Variants in VLDLR observed in about 807,000 individuals in gnomAD.
VLDLR encodes the protein very low-density lipoprotein receptor.
VLDLR carries 81 observed loss-of-function variants against 112.7 expected under a neutral mutation model. The ratio of observed to expected loss-of-function variants is 0.72; its 90% confidence interval spans 0.60 to 0.86. The LOEUF (loss-of-function observed/expected upper bound fraction) is 0.86. Among genes scored for constraint, VLDLR ranks in the 40% least tolerant of loss-of-function variants. The pLI is 0.00. For missense variants in VLDLR, 1,237 were observed against 1,099.4 expected (o/e 1.13, Z -1.77); for synonymous variants, 436 against 384.8 (o/e 1.13, Z -1.56).
rs924246655 is a variant in VLDLR, at chr9:2,622,373, C to G, written c.82+102C>G. On this transcript the variant is annotated intron_variant, in intron 1 of 18. Transcript: ENST00000382100. ...GTTTGCCCACCCGCCTCCTAGGAGG[C>G]GCCTCTCGGTTCTCCTCGCCTTCCC... 36 of 1,087,984 alleles carry G rather than the reference C, an allele frequency of 3.3e-5. No individual in the cohort carries two copies. In the African/African-American group the frequency reaches 5.5e-4, roughly 17 times the overall value. The allele number at this position is 1,087,984 out of a possible 1,614,324, so 67.4% of individuals were successfully genotyped here. A position where few individuals can be genotyped will look rare whatever the true frequency, so the allele number is the denominator to read the frequency against.
chr9:2,638,205 G>C (rs367891396), intron 2 of VLDLR, among the ~76,000 whole-genome samples: 3 of 152,308 alleles, frequency 2.0e-5, no homozygotes, highest in East Asian at 3.9e-4. Flanking sequence ...AGCATGGCCA[G>C]TCTTGTTTCC....
chr9:2,625,412 C>T (rs1326800991), intron 1 of VLDLR, among the ~76,000 whole-genome samples: 3 of 152,152 alleles, frequency 2.0e-5, no homozygotes, highest in Admixed American at 2.0e-4. Context: ...CTGTTTCTCA[C>T]AGAATGTAAA....
chr9:2,648,714 G>A lies in VLDLR; in HGVS notation c.2008G>A (p.Ala670Thr). The change falls in exon 14 of 19, where the codon GCC becomes ACC. Residue 670 changes from alanine (A) to threonine (T), a missense_variant. Physicochemically the swap from Ala to Thr is moderately conservative, Grantham distance 58 (BLOSUM62 0). Transcript: ENST00000382100. ...TGGGGAAAATGAAGCAGTCTATGGTGCCAATAAATTCACTGGATCAGAGCT... is the reference window on the plus strand; with the variant it reads ...TGGGGAAAATGAAGCAGTCTATGGTACCAATAAATTCACTGGATCAGAGCT... ...IDGENEAVYG[A>T]NKFTGSELAT... 2 of 1,614,144 alleles carry A rather than the reference G, an allele frequency of 1.2e-6. No individual in the cohort carries two copies. Among genetic ancestry groups the A allele is most frequent in the Non-Finnish European group, 1.7e-6 (2 of 1,180,022 alleles).
chr9:2,629,092 T>G (rs1439018412), intron 1 of VLDLR, among the ~76,000 whole-genome samples: 2 of 152,244 alleles, frequency 1.3e-5, no homozygotes, highest in African/African-American at 4.8e-5. Flanking sequence ...CAACATTGAC[T>G]CATTAGAAAT....
chr9:2,646,193 A>G (rs192158490), intron 10 of VLDLR, 141 bp from the exon 11 acceptor site: 16 of 777,244 alleles, frequency 2.1e-5, no homozygotes, highest in Admixed American at 1.8e-4. Context: ...CAGCATGGTT[A>G]AATAATTTGA....
chr9:2,651,930 G>C lies in VLDLR; in HGVS notation c.2392G>C (p.Ala798Pro). 6.2e-7 allele frequency: 1 copy of C among 1,614,090 alleles called. No homozygotes were observed. The highest frequency in any genetic ancestry group is 8.5e-7 in the Non-Finnish European group (1 of 1,179,978). ...CAGTGTTCCCCCAAAAGGGACTTCT[G>C]CCGCATGGGCCATTCTTCCTCTCTG... Reference protein sequence around the residue: ...EVSVPPKGTSAAWAILPLLLL... With the variant: ...EVSVPPKGTSPAWAILPLLLL... Residue 798 changes from alanine to proline, a missense_variant, in exon 17 of 19, where the codon GCC becomes CCC. Physicochemically the swap from Ala to Pro is conservative, Grantham distance 27. Coordinates refer to ENST00000382100, the MANE Select transcript of VLDLR (RefSeq NM_003383.5).
chr9:2,652,740 C>G (rs764620622), intron 17 of VLDLR, 40 bp from the exon 18 acceptor site: 1 of 1,613,270 alleles, frequency 6.2e-7, no homozygotes, highest in Non-Finnish European at 8.5e-7. Context: ...TGTTCCAATA[C>G]TAGACTTAGC....
chr9:2,654,614 T>C lies in VLDLR; in HGVS notation c.*746T>C, dbSNP rs1818516812. On this transcript the variant is annotated 3_prime_UTR_variant, in exon 19 of 19. Coordinates refer to ENST00000382100, the MANE Select transcript of VLDLR (RefSeq NM_003383.5). ...AATTGGGCTGGTTTCTCTTACACCCTAGCACAGTTAAAAAATGAAGTACTG... is the reference window on the plus strand; with the variant it reads ...AATTGGGCTGGTTTCTCTTACACCCCAGCACAGTTAAAAAATGAAGTACTG... 6.6e-6 allele frequency: 1 copy of C among 152,366 alleles called. No homozygotes were observed. Among genetic ancestry groups the C allele is most frequent in the Non-Finnish European group, 1.5e-5 (1 of 68,120 alleles). The allele number at this position is 152,366 out of a possible 1,614,324, so 9.4% of individuals were successfully genotyped here.
Position 2,653,014 on chromosome 9 carries a change from G to A in VLDLR, c.2586+65G>A. ...TGAGACTTTTCAGAAAGGAGACCTG[G>A]GTGAGAGAGAGAGAGCCATTAGGAT... On this transcript the variant is annotated intron_variant, in intron 18 of 18. Coordinates refer to ENST00000382100, the MANE Select transcript of VLDLR (RefSeq NM_003383.5). The A allele has an allele frequency of 2.5e-6, 4 of 1,598,948 alleles. No individual in the cohort carries two copies. The Admixed American group carries it at 6.7e-5, about 27-fold the overall frequency.
chr9:2,652,094 C>G (rs1262886506), intron 17 of VLDLR, 140 bp downstream of exon 17: 2 of 774,280 alleles, frequency 2.6e-6, no homozygotes, highest in African/African-American at 3.5e-5. Flanking sequence ...CGCTTTCTCC[C>G]CCACATAATA....
Position 2,653,822 on chromosome 9 carries a change from C to T in VLDLR, c.2587-11C>T, listed in dbSNP as rs1305336259. ...TCACCAAGCTCATTCTATACTTCTT[C>T]TTTTCCACAGATATCAGTTGTAAGC... is the stretch of plus-strand genomic sequence containing the variant. On this transcript the variant is annotated splice_polypyrimidine_tract_variant and intron_variant, in intron 18 of 18. Transcript: ENST00000382100. The T allele has an allele frequency of 6.2e-7, 1 of 1,613,788 alleles. No homozygotes were observed. The highest frequency in any genetic ancestry group is 1.3e-5 in the African/African-American group (1 of 74,926).
Position 2,650,347 on chromosome 9 carries a change from A to G in VLDLR, c.2105-23A>G, listed in dbSNP as rs1310691789. 4.3e-6 allele frequency: 7 copies of G among 1,613,700 alleles called. No individual in the cohort carries two copies. In the Admixed American group the frequency reaches 5.0e-5, roughly 12 times the overall value. On this transcript the variant is annotated intron_variant, in intron 14 of 18. Coordinates refer to ENST00000382100, the MANE Select transcript of VLDLR (RefSeq NM_003383.5). Reference sequence around the variant, plus strand: ...ACTAGGCACCGGAATACCCATTTTAATGGTATTTTTTTTCCTGACTAGGTA... The same window carrying G: ...ACTAGGCACCGGAATACCCATTTTAGTGGTATTTTTTTTCCTGACTAGGTA...
In VLDLR at chr9:2,653,965, C is replaced by A; in HGVS notation, c.*97C>A. The A allele has an allele frequency of 7.7e-7, 1 of 1,306,658 alleles. No individual in the cohort carries two copies. Among genetic ancestry groups the A allele is most frequent in the East Asian group, 2.3e-5 (1 of 43,214 alleles). 80.9% of individuals were successfully genotyped at this position (1,306,658 alleles called of 1,614,324 possible). A position where few individuals can be genotyped will look rare whatever the true frequency, so the allele number is the denominator to read the frequency against. On this transcript the variant is annotated 3_prime_UTR_variant, in exon 19 of 19. Transcript: ENST00000382100. The stretch of plus-strand genomic sequence containing the variant: ...AGCTGAAGTCTCTTTTTCTTCCTCT[C>A]GGCTGGAAGAACATCAAGATACCTT...
At position 2,648,245 on chromosome 9, in the gene VLDLR, G is replaced by A. The variant is rs774101919; in HGVS notation, c.1860G>A (p.Lys620=). 7 of 1,614,072 alleles carry A rather than the reference G, an allele frequency of 4.3e-6. No individual in the cohort carries two copies. In the African/African-American group the frequency reaches 9.3e-5, roughly 22 times the overall value. ...IKSRLYWLDS[K]LHMLSSVDLN... ...GTCGCCTCTATTGGCTTGATTCTAA[G>A]TTGCACATGTTATCCAGCGTGGACT... Residue 620 remains lysine (K), a synonymous_variant, in exon 13 of 19, where the codon AAG becomes AAA. Coordinates refer to ENST00000382100, the MANE Select transcript of VLDLR (RefSeq NM_003383.5).
chr9:2,626,663 G>A (rs1405932919), intron 1 of VLDLR, among the ~76,000 whole-genome samples: 1 of 152,166 alleles, frequency 6.6e-6, no homozygotes, highest in Non-Finnish European at 1.5e-5. Flanking sequence ...GAAGCCTCTG[G>A]CTAGAGCAGC....
At chr9:2,653,796 A>G in intron 18 of VLDLR, 37 bp from the exon 19 acceptor site, 1 of 1,613,614 alleles carries the variant, frequency 6.2e-7, no homozygotes, top group Non-Finnish European at 8.5e-7. Flanking sequence ...TCAGTGAGTG[A>G]TCACCAAGCT....
At position 2,645,750 on chromosome 9, in the gene VLDLR, C is replaced by G. The variant is rs769605735; in HGVS notation, c.1484+5C>G. The G allele has an allele frequency of 5.6e-6, 9 of 1,613,998 alleles. No individual in the cohort carries two copies. In the African/African-American group the frequency reaches 9.3e-5, roughly 17 times the overall value. On this transcript the variant is annotated splice_donor_5th_base_variant and intron_variant, in intron 10 of 18. Coordinates refer to ENST00000382100, the MANE Select transcript of VLDLR (RefSeq NM_003383.5). The stretch of plus-strand genomic sequence containing the variant: ...AAGCCAAAAGGCTATCTTCAGGTAA[C>G]TTTCAGTTCCTTTTGTGGTGTCTTG...
intron 11 of VLDLR, 32 bp downstream of exon 11, chr9:2,646,584 G>C (rs750075302): frequency 6.2e-7 from 1 of 1,602,320 alleles, no homozygotes; most frequent in Admixed American, 1.7e-5. Flanking sequence ...ACAGACTTTG[G>C]AATGGTATCT....
chr9:2,646,774 C>T (rs1288438617), intron 11 of VLDLR, among the ~76,000 whole-genome samples: 2 of 152,178 alleles, frequency 1.3e-5, no homozygotes, highest in Admixed American at 6.5e-5. Flanking sequence ...TGACTGATTG[C>T]TGGCTGACAT....
Sources: gnomAD v4.1 joint callset for allele counts (sites outside exome capture counted in the v4.1 genomes callset) on GRCh38, gnomAD v4.1.1 for gene constraint, MANE v1.5 for transcripts, NCBI Gene and HGNC (gene_info 2026-07-23, HGNC 2026-07-21) for gene names.